Variants in RGS12 observed in about 807,000 individuals in gnomAD.
The protein encoded by RGS12 is regulator of G-protein signaling 12.
RGS12 carries 66 observed loss-of-function variants against 120.1 expected under a neutral mutation model. That is an observed-to-expected ratio of 0.55 (90% CI 0.45 to 0.67). The LOEUF (loss-of-function observed/expected upper bound fraction) is 0.67. Ranked by LOEUF, RGS12 falls within the 30% of genes least tolerant of loss-of-function variation. RGS12 has a pLI of 0.00. For synonymous variants in RGS12, 827 were observed against 804.7 expected, an observed-to-expected ratio of 1.03 and a Z score of -0.47; for missense variants, 1,859 against 1,957.7, an observed-to-expected ratio of 0.95 and a Z score of 0.95.
chr4:3,339,954 A>G (rs1463218072), intron 2 of RGS12, among the ~76,000 whole-genome samples: 1 of 152,260 alleles, frequency 6.6e-6, no homozygotes, highest in Non-Finnish European at 1.5e-5. Flanking sequence ...TCACAAAGCC[A>G]TGGGTTCATT....
At chr4:3,395,238 A>AT (rs1409903072) in intron 4 of RGS12, among the ~76,000 whole-genome samples, 1 of 151,238 alleles carries the variant, frequency 6.6e-6, no homozygotes, top group Non-Finnish European at 1.5e-5. Context: ...AACGCAGCGT[A>AT]TGCTGTTTAG....
At chr4:3,314,277 G>T (rs1047070666) in intron 1 of RGS12, 1 of 152,038 alleles carries the variant, frequency 6.6e-6, no homozygotes, top group Non-Finnish European at 1.5e-5. Flanking sequence ...ACTCTATCTA[G>T]TTCTGTAGCT....
chr4:3,304,097 G>A (rs1461873140), intron 1 of RGS12, among the ~76,000 whole-genome samples: 1 of 152,168 alleles, frequency 6.6e-6, no homozygotes, highest in African/African-American at 2.4e-5. Flanking sequence ...CCGGAATTGA[G>A]GCATTTAATG....
chr4:3,380,447 G>T (rs1718140622), intron 3 of RGS12, among the ~76,000 whole-genome samples: 1 of 152,234 alleles, frequency 6.6e-6, no homozygotes, highest in African/African-American at 2.4e-5. Flanking sequence ...CAGTGTCCCA[G>T]TGGGGACTCT....
At chr4:3,413,831 TGCTCGTGCACACACATGTGCAGCC>T in intron 4 of RGS12, 2 of 500,156 alleles carry the variant, frequency 4.0e-6, no homozygotes, top group Non-Finnish European at 7.2e-6. Flanking sequence ...CATGTGTGTG[TGCTCGTGCACACACATGTGCAGCC>T]GCTCAAGGTT....
intron 17 of RGS12, among the ~76,000 whole-genome samples, chr4:3,434,684 C>T (rs1301921469): frequency 6.6e-6 from 1 of 152,204 alleles, no homozygotes; most frequent in East Asian, 1.9e-4. Context: ...TCGCGTGCAC[C>T]CACACCCGAG....
At position 3,416,898 on chromosome 4, in the gene RGS12, A is replaced by G. The variant is rs541187847; in HGVS notation, c.2428-15A>G. 17 of 1,583,134 alleles carry G rather than the reference A, an allele frequency of 1.1e-5. No homozygotes were observed. The East Asian group carries it at 2.3e-4, about 21-fold the overall frequency. ...GTCCCTCCTGTGACTGTCCCACCTT[A>G]CATCTTCTCCCCAGATCTTCAATCT... On this transcript the variant is annotated splice_polypyrimidine_tract_variant and intron_variant, in intron 7 of 17. Coordinates refer to ENST00000336727, the MANE Select transcript of RGS12 (RefSeq NM_001394154.1).
At chr4:3,430,999 G>C (rs1323604453) in intron 17 of RGS12, 44 bp downstream of exon 17, 1 of 1,596,480 alleles carries the variant, frequency 6.3e-7, no homozygotes, top group Admixed American at 1.7e-5. Flanking sequence ...CCGTAAGCGT[G>C]GTCTGCTCAG....
At chr4:3,344,891 G>A (rs1713650372) in intron 3 of RGS12, among the ~76,000 whole-genome samples, 2 of 152,232 alleles carry the variant, frequency 1.3e-5, no homozygotes, top group South Asian at 2.1e-4. Flanking sequence ...GCTGCTGGCT[G>A]CCTTCCATGA....
chr4:3,310,528 A>G (rs1724325071), intron 1 of RGS12, among the ~76,000 whole-genome samples: 1 of 152,202 alleles, frequency 6.6e-6, no homozygotes. Flanking sequence ...GGGCAGGTCC[A>G]TGCTGCTCTG....
In RGS12 at chr4:3,430,843, T is replaced by A; in HGVS notation, c.4002T>A (p.Asp1334Glu). 6.2e-7 allele frequency: 1 copy of A among 1,611,948 alleles called. No homozygotes were observed. Among genetic ancestry groups the A allele is most frequent in the African/African-American group, 1.3e-5 (1 of 75,020 alleles). Residue 1334 changes from aspartate to glutamate, a missense_variant, in exon 17 of 18, where the codon GAT becomes GAA. Around this residue, in one of 3 missense-constraint regions of RGS12, gnomAD observed 517 missense variants for 488.5 expected, o/e 1.06. Coordinates refer to ENST00000336727, the MANE Select transcript of RGS12 (RefSeq NM_001394154.1). ...CCGGGGGCATCCAGACGGTGGAGGA[T>A]GAGCACGTGGCCGAGCTGACCCTGA... is the stretch of plus-strand genomic sequence containing the variant. ...VEAGGIQTVEDEHVAELTLMG... is the reference protein window; with the variant it reads ...VEAGGIQTVEEEHVAELTLMG...
chr4:3,414,042 G>A (rs1206150488), intron 4 of RGS12, 30 bp from the exon 5 acceptor site: 12 of 1,515,330 alleles, frequency 7.9e-6, no homozygotes, highest in Admixed American at 5.8e-5. Flanking sequence ...GAGGGCAGGG[G>A]TGCAGGTGCT....
intron 2 of RGS12, among the ~76,000 whole-genome samples, chr4:3,335,887 C>T (rs760432997): frequency 1.2e-4 from 19 of 152,034 alleles, no homozygotes; most frequent in Non-Finnish European, 2.2e-4. Context: ...GTCAGGAGTT[C>T]GAGACCAGCC....
intron 2 of RGS12, among the ~76,000 whole-genome samples, chr4:3,336,955 T>TA (rs890020583): frequency 2.8e-4 from 38 of 135,338 alleles, no homozygotes; most frequent in Admixed American, 7.9e-4. Context: ...GAAATTAAAA[T>TA]AAAAAAAAAT....
upstream of RGS12, among the ~76,000 whole-genome samples, chr4:3,292,702 C>G (rs2110338974): frequency 6.6e-6 from 1 of 152,314 alleles, no homozygotes; most frequent in Non-Finnish European, 1.5e-5. Context: ...CTTGCGGGAA[C>G]GCAGTCGCTC....
chr4:3,362,980 G>A (rs984244254), intron 3 of RGS12, among the ~76,000 whole-genome samples: 26 of 149,516 alleles, frequency 1.7e-4, no homozygotes, highest in African/African-American at 6.4e-4. Context: ...TGTGTGTGAG[G>A]GTGTGTATAT....
rs1490142681 is a variant in RGS12, at chr4:3,366,614, T to C, written c.1999-19802T>C. Among the ~76,000 whole-genome samples the C allele has an allele frequency of 6.6e-6, 1 of 152,202 alleles. No individual in the cohort carries two copies. Among genetic ancestry groups the C allele is most frequent in the Non-Finnish European group, 1.5e-5 (1 of 68,022 alleles). ...CCTGGGTGTTCCGCGCCCGTCTCCTTTCTGCTGTTGAGAAACCTTCAGGAG... is the reference window on the plus strand; with the variant it reads ...CCTGGGTGTTCCGCGCCCGTCTCCTCTCTGCTGTTGAGAAACCTTCAGGAG... On this transcript the variant is annotated intron_variant, in intron 3 of 17. Coordinates refer to ENST00000336727, the MANE Select transcript of RGS12 (RefSeq NM_001394154.1). This position sits in a 1 kb window ranked among gnomAD's most constrained non-coding sequence, Gnocchi z 4.0.
intron 2 of RGS12, among the ~76,000 whole-genome samples, chr4:3,327,560 GCACT>G (rs1259259442): frequency 1.3e-5 from 2 of 152,146 alleles, no homozygotes; most frequent in African/African-American, 4.8e-5. Flanking sequence ...GAATATATGA[GCACT>G]CAAACAACTC....
At chr4:3,414,659 C>T in intron 5 of RGS12, 93 bp from the exon 6 acceptor site, 1 of 900,508 alleles carries the variant, frequency 1.1e-6, no homozygotes, top group Non-Finnish European at 1.8e-6. Flanking sequence ...GCTCACTGAG[C>T]AGCCAGTGAC....
Sources: gnomAD v4.1 joint callset for allele counts (sites outside exome capture counted in the v4.1 genomes callset) on GRCh38, gnomAD v4.1.1 for gene constraint, gnomAD v4.1.1 regional missense constraint, Gnocchi (gnomAD v3.1) non-coding constraint, MANE v1.5 for transcripts, NCBI Gene and HGNC (gene_info 2026-07-23, HGNC 2026-07-21) for gene names.